Variants in ROBO2 observed in about 807,000 individuals in gnomAD.
The protein encoded by ROBO2 is roundabout homolog 2.
A neutral mutation model predicts 160.8 loss-of-function variants in ROBO2; 53 were observed. The observed-to-expected ratio is 0.33, with a 90% confidence interval of 0.26 to 0.41. ROBO2 has a LOEUF of 0.41. Ranked by LOEUF, ROBO2 falls within the 10% of genes least tolerant of loss-of-function variation. ROBO2 has a pLI of 1.00. For missense variants in ROBO2, 1,577 were observed against 1,722.4 expected, an observed-to-expected ratio of 0.92 and a Z score of 1.49; for synonymous variants, 664 against 611.7, an observed-to-expected ratio of 1.09 and a Z score of -1.26.
intron 5 of ROBO2, among the ~76,000 whole-genome samples, chr3:77,509,634 T>A (rs1439251473): frequency 2.0e-5 from 3 of 152,056 alleles, no homozygotes; most frequent in Non-Finnish European, 4.4e-5. Context: ...ATAAAGTGAT[T>A]CTTCTGCTCA....
chr3:76,738,789 A>T (rs2093755197), intron 2 of ROBO2, among the ~76,000 whole-genome samples: 1 of 152,162 alleles, frequency 6.6e-6, no homozygotes, highest in Non-Finnish European at 1.5e-5. Flanking sequence ...CTCATGATAG[A>T]TGTGGCACAT....
chr3:76,306,594 C>T lies in ROBO2; in HGVS notation c.109+368992C>T, dbSNP rs183335310. Reference sequence around the variant, plus strand: ...TGCTAGCAGGACAGACAAAATCAAACTTCAAATGACATATTTAAAGAAGAG... The same window carrying T: ...TGCTAGCAGGACAGACAAAATCAAATTTCAAATGACATATTTAAAGAAGAG... On this transcript the variant is annotated intron_variant, in intron 2 of 26. Coordinates refer to the ROBO2 transcript ENST00000487694. Among the ~76,000 whole-genome samples, 6 of 152,186 alleles carry T rather than the reference C, an allele frequency of 3.9e-5. No individual in the cohort carries two copies. The East Asian group carries it at 1.2e-3, about 29-fold the overall frequency.
chr3:76,097,308 A>G (rs746076076), intron 2 of ROBO2, among the ~76,000 whole-genome samples: 9 of 151,992 alleles, frequency 5.9e-5, no homozygotes, highest in Admixed American at 4.6e-4. Flanking sequence ...TGCAGATCTC[A>G]TAGCCTAGCA....
chr3:76,376,955 T>G (rs2076378070), intron 2 of ROBO2, among the ~76,000 whole-genome samples: 1 of 152,124 alleles, frequency 6.6e-6, no homozygotes, highest in Non-Finnish European at 1.5e-5. Context: ...TGGGTGTTGC[T>G]AAAGGTCAAA....
At chr3:76,837,321 C>G (rs2067791883) in intron 2 of ROBO2, among the ~76,000 whole-genome samples, 1 of 151,824 alleles carries the variant, frequency 6.6e-6, no homozygotes, top group African/African-American at 2.4e-5. Flanking sequence ...AATATGTTAA[C>G]TGGCTTCAAA....
chr3:77,055,239 T>TA (rs1419958680), intron 1 of ROBO2, among the ~76,000 whole-genome samples: 10 of 152,152 alleles, frequency 6.6e-5, no homozygotes, highest in African/African-American at 2.4e-4. Flanking sequence ...CATCATTTTG[T>TA]AACAAAGAGC....
At chr3:76,694,533 T>C (rs2107303599) in intron 2 of ROBO2, among the ~76,000 whole-genome samples, 1 of 152,276 alleles carries the variant, frequency 6.6e-6, no homozygotes, top group Middle Eastern at 3.4e-3. Flanking sequence ...CCCAATCTAG[T>C]ATTTTCATGT....
intron 2 of ROBO2, among the ~76,000 whole-genome samples, chr3:76,797,158 A>G (rs1385017914): frequency 6.6e-6 from 1 of 152,174 alleles, no homozygotes; most frequent in African/African-American, 2.4e-5. Context: ...TCTTCTCCTC[A>G]GCACATGGAT....
chr3:76,820,766 A>G (rs575352832), intron 2 of ROBO2, among the ~76,000 whole-genome samples: 1 of 152,142 alleles, frequency 6.6e-6, no homozygotes, highest in East Asian at 1.9e-4. Flanking sequence ...GTAGTAATGT[A>G]TAGATGATTC....
intron 2 of ROBO2, among the ~76,000 whole-genome samples, chr3:77,007,483 C>T (rs534603584): frequency 6.6e-6 from 1 of 152,062 alleles, no homozygotes; most frequent in African/African-American, 2.4e-5. Context: ...TCTTCCTACC[C>T]ATTTTTTTCT....
intron 2 of ROBO2, among the ~76,000 whole-genome samples, chr3:75,990,582 C>A (rs2065538875): frequency 6.6e-6 from 1 of 152,142 alleles, no homozygotes; most frequent in African/African-American, 2.4e-5. Context: ...ATAGACTAAC[C>A]TTTTGTAGTC....
chr3:76,962,816 CAATA>C (rs2079773277), intron 2 of ROBO2, among the ~76,000 whole-genome samples: 1 of 151,886 alleles, frequency 6.6e-6, no homozygotes, highest in Admixed American at 6.6e-5. Context: ...AAAAATAAAT[CAATA>C]AATAATTTTT....
chr3:76,387,332 T>C (rs1489264832), intron 2 of ROBO2, among the ~76,000 whole-genome samples: 3 of 152,144 alleles, frequency 2.0e-5, no homozygotes, highest in Middle Eastern at 3.2e-3. Flanking sequence ...CAGAAAGGAA[T>C]GAGGGCAGGT....
At chr3:76,967,203 T>A (rs528328396) in intron 2 of ROBO2, among the ~76,000 whole-genome samples, 1 of 151,604 alleles carries the variant, frequency 6.6e-6, no homozygotes, top group East Asian at 1.9e-4. Context: ...TTGAGTACTT[T>A]GAAGATTGTC....
intron 2 of ROBO2, among the ~76,000 whole-genome samples, chr3:76,754,124 G>C (rs1444362772): frequency 6.6e-6 from 1 of 151,864 alleles, no homozygotes; most frequent in African/African-American, 2.4e-5. Context: ...GCAGGAAGGA[G>C]AAAGAAAATA....
chr3:77,597,194 T>C (rs2153689042), intron 19 of ROBO2, among the ~76,000 whole-genome samples: 1 of 152,220 alleles, frequency 6.6e-6, no homozygotes, highest in Middle Eastern at 3.4e-3. Context: ...AAGATGGTTC[T>C]TGCCCTCATA....
chr3:76,869,876 A>C (rs114789044), intron 2 of ROBO2, among the ~76,000 whole-genome samples: 1,550 of 152,192 alleles, frequency 0.01, 25 homozygotes, highest in African/African-American at 0.034. Flanking sequence ...GACTGGTTCT[A>C]GTTTAGAGGG....
chr3:76,339,413 G>A (rs1420714460), intron 2 of ROBO2, among the ~76,000 whole-genome samples: 1 of 151,962 alleles, frequency 6.6e-6, no homozygotes, highest in Non-Finnish European at 1.5e-5. Context: ...GGTATATATA[G>A]CAATAAGATA....
At chr3:76,304,738 T>TTTCCTTCCTTCCTTCTTTCTTTC (rs749689673) in intron 2 of ROBO2, among the ~76,000 whole-genome samples, 107 of 29,064 alleles carry the variant, frequency 3.7e-3, no homozygotes, top group South Asian at 4.9e-3. Flanking sequence ...CTTTCTTTTC[T>TTTCCTTCCTTCCTTCTTTCTTTC]TTTCTTTCCT....
Sources: allele counts gnomAD v4.1 joint callset (sites outside exome capture counted in the v4.1 genomes callset), GRCh38; gene constraint gnomAD v4.1.1; transcripts MANE v1.5; gene names NCBI Gene and HGNC (gene_info 2026-07-23, HGNC 2026-07-21).